The following ANKRD24 variants were observed in gnomAD, a reference collection of about 807,000 sequenced individuals.
ANKRD24 encodes ankyrin repeat domain-containing protein 24.
Under a neutral mutation model 127.8 loss-of-function variants are expected in ANKRD24, and 109 were observed. The observed-to-expected ratio is 0.85, with a 90% CI of 0.73 to 1.00. The LOEUF (loss-of-function observed/expected upper bound fraction) is 1.00, where lower values mean the gene tolerates loss of function less well. Among genes scored for constraint, ANKRD24 ranks in the 50% least tolerant of loss-of-function variants. The probability of loss-of-function intolerance (pLI) is 0.00; values close to 1 mark genes in which losing one functional copy is unlikely to be tolerated. For missense variants in ANKRD24, 1,648 were observed against 1,570.2 expected, an observed-to-expected ratio of 1.05 and a Z score of -0.84; for synonymous variants, 743 against 671.1, an observed-to-expected ratio of 1.11 and a Z score of -1.66.
chr19:4,217,830 G>T lies in ANKRD24; in HGVS notation c.2670G>T (p.Ala890=). 2.1e-6 allele frequency: 3 copies of T among 1,420,070 alleles called. No homozygotes were observed. Among genetic ancestry groups the T allele is most frequent in the Non-Finnish European group, 2.7e-6 (3 of 1,091,974 alleles). The allele number at this position is 1,420,070 out of a possible 1,614,324, so 88.0% of individuals were successfully genotyped here. The change falls in exon 18 of 22, where the codon GCG becomes GCT. Residue 890 remains alanine, a synonymous_variant. Coordinates refer to ENST00000318934, the MANE Select transcript of ANKRD24 (RefSeq NM_001393985.1). The part of the protein sequence containing the change: ...AAEARVAELP[A]ACEEARQGLA... ...AGGCCCGAGTGGCTGAGCTGCCTGC[G>T]GCCTGCGAGGAGGCGCGGCAGGGCC...
chr19:4,195,445 G>A lies in ANKRD24; in HGVS notation c.37-4238G>A, dbSNP rs958591157. ...CAGTTGGAAACTGAAGCCCTGAGCT[G>A]GGAGATCCGTTTCGGTCTCTTCTCT... On this transcript the variant is annotated intron_variant, in intron 2 of 21. Transcript: ENST00000318934. This position sits in a 1 kb window ranked among gnomAD's most constrained non-coding sequence, Gnocchi z 4.2. Among the ~76,000 whole-genome samples, 1 of 152,118 alleles carries A rather than the reference G, an allele frequency of 6.6e-6. No homozygotes were observed. The highest frequency in any genetic ancestry group is 2.4e-5 in the African/African-American group (1 of 41,416).
chr19:4,222,623 C>T, intron 19 of ANKRD24, 47 bp from the exon 20 acceptor site: 2 of 1,532,474 alleles, frequency 1.3e-6, no homozygotes, highest in Non-Finnish European at 1.8e-6. Flanking sequence ...GTCCTCAGCC[C>T]CCAGCTCTGG....
chr19:4,207,255 T>A lies in ANKRD24; in HGVS notation c.480T>A (p.Cys160Ter), dbSNP rs772589000. 2 of 1,613,650 alleles carry A rather than the reference T, an allele frequency of 1.2e-6. No individual in the cohort carries two copies. Among genetic ancestry groups the A allele is most frequent in the African/African-American group, 1.3e-5 (1 of 74,840 alleles). Residue 160 changes from cysteine (C) to a stop codon, truncating the protein, a stop_gained, in exon 8 of 22, where the codon TGT (cysteine) becomes TGA (stop). Coordinates refer to ENST00000318934, the MANE Select transcript of ANKRD24 (RefSeq NM_001393985.1). LOFTEE classifies it high-confidence loss of function. ...TCTCTTTTGCAGCGGCTGGTGGCTG[T>A]CTCTCCTGCTCAGAGGTGCTCTGCT... is the stretch of plus-strand genomic sequence containing the variant. ...TALHHAAAGG[C>*]LSCSEVLCSF...
intron 13 of ANKRD24, 141 bp from the exon 14 acceptor site, chr19:4,212,334 T>A (rs1969786530): frequency 2.1e-6 from 2 of 947,422 alleles, no homozygotes; most frequent in Admixed American, 5.5e-5. Context: ...TAGTAATGAG[T>A]GAGCGGGCAG....
chr19:4,191,734 A>G (rs352504), intron 2 of ANKRD24, among the ~76,000 whole-genome samples: 98,993 of 151,126 alleles, frequency 0.66, 33,018 homozygotes, highest in Middle Eastern at 0.76. Flanking sequence ...CGCCTGCCTC[A>G]GCCTCCCAAA....
chr19:4,217,837 G>C lies in ANKRD24; in HGVS notation c.2677G>C (p.Glu893Gln). ...AGTGGCTGAGCTGCCTGCGGCCTGCGAGGAGGCGCGGCAGGGCCTGGCCGA... is the reference window on the plus strand; with the variant it reads ...AGTGGCTGAGCTGCCTGCGGCCTGCCAGGAGGCGCGGCAGGGCCTGGCCGA... ...ARVAELPAAC[E>Q]EARQGLAELR... The change falls in exon 18 of 22, where the codon GAG becomes CAG. Residue 893 changes from glutamate to glutamine, a missense_variant. Physicochemically the swap from Glu to Gln is conservative, Grantham distance 29. Transcript: ENST00000318934. 7.0e-7 allele frequency: 1 copy of C among 1,429,848 alleles called. No individual in the cohort carries two copies. The highest frequency in any genetic ancestry group is 9.1e-7 in the Non-Finnish European group (1 of 1,096,926). 88.6% of individuals were successfully genotyped at this position (1,429,848 alleles called of 1,614,324 possible). A position where few individuals can be genotyped will look rare whatever the true frequency, so the allele number is the denominator to read the frequency against.
At position 4,186,413 on chromosome 19, in the gene ANKRD24, CAG is replaced by C. The variant is rs1488501510; in HGVS notation, c.-12_-11del. The C allele has an allele frequency of 6.3e-6, 10 of 1,585,614 alleles. No homozygotes were observed. In the South Asian group the frequency reaches 1.0e-4, roughly 16 times the overall value. On this transcript the variant is annotated 5_prime_UTR_variant, in exon 2 of 22. Transcript: ENST00000318934. ...AGGTGGCCTGTGGAGAGGAGAAACA[CAG>C]GGCACCAACTATGAAGACTCTCAGG...
chr19:4,217,505 G>T lies in ANKRD24; in HGVS notation c.2345G>T (p.Gly782Val), dbSNP rs1403689658. 1 of 1,401,596 alleles carries T rather than the reference G, an allele frequency of 7.1e-7. No homozygotes were observed. The highest frequency in any genetic ancestry group is 9.2e-7 in the Non-Finnish European group (1 of 1,084,050). The allele number at this position is 1,401,596 out of a possible 1,614,324, so 86.8% of individuals were successfully genotyped here. A position where few individuals can be genotyped will look rare whatever the true frequency, so the allele number is the denominator to read the frequency against. ...EGSGASGGGG[G>V]DTTQLRAALE... is the part of the protein sequence containing the mutation. The stretch of plus-strand genomic sequence containing the variant: ...AGCGGGGCCAGCGGGGGCGGTGGCG[G>T]TGACACCACACAGCTGCGGGCGGCC... Residue 782 changes from glycine to valine, a missense_variant, in exon 18 of 22, where the codon GGT becomes GTT. Coordinates refer to ENST00000318934, the MANE Select transcript of ANKRD24 (RefSeq NM_001393985.1).
intron 2 of ANKRD24, among the ~76,000 whole-genome samples, chr19:4,191,417 C>G (rs1412037294): frequency 1.3e-5 from 2 of 152,086 alleles, no homozygotes; most frequent in Non-Finnish European, 2.9e-5. Context: ...TTCCTGGTCC[C>G]TAACACCGGC....
In ANKRD24 at chr19:4,195,450, A is replaced by G. The variant is rs372554420; in HGVS notation, c.37-4233A>G. 3.6e-4 allele frequency among the ~76,000 whole-genome samples: 55 copies of G among 152,106 alleles called. 8 individuals carry two copies. Among genetic ancestry groups the G allele is most frequent in the East Asian group, 2.7e-3 (14 of 5,174 alleles). ...GGAAACTGAAGCCCTGAGCTGGGAGATCCGTTTCGGTCTCTTCTCTGGAGA... is the reference window on the plus strand; with the variant it reads ...GGAAACTGAAGCCCTGAGCTGGGAGGTCCGTTTCGGTCTCTTCTCTGGAGA... On this transcript the variant is annotated intron_variant, in intron 2 of 21. Coordinates refer to ENST00000318934, the MANE Select transcript of ANKRD24 (RefSeq NM_001393985.1). The surrounding 1 kb of genome is among the most constrained non-coding windows in gnomAD (Gnocchi z 4.2).
At chr19:4,202,303 C>G (rs1322455954) in intron 6 of ANKRD24, among the ~76,000 whole-genome samples, 1 of 152,078 alleles carries the variant, frequency 6.6e-6, no homozygotes, top group Admixed American at 6.6e-5. Context: ...CGCGGTGGCT[C>G]ACGCCTGTAA....
At chr19:4,207,207 A>G (rs781626706) in intron 7 of ANKRD24, 35 bp from the exon 8 acceptor site, 2 of 1,600,898 alleles carry the variant, frequency 1.2e-6, no homozygotes, top group Non-Finnish European at 1.7e-6. Context: ...TACAGGGTTG[A>G]GCTACCGCAC....
At chr19:4,209,417 GT>G (rs368782082) in intron 11 of ANKRD24, among the ~76,000 whole-genome samples, 1,791 of 142,896 alleles carry the variant, frequency 0.013, 41 homozygotes, top group African/African-American at 0.043. Context: ...CCCTCTCCTA[GT>G]TTTTTTTTTT....
In ANKRD24 at chr19:4,216,289, G is replaced by A. The variant is rs774460702; in HGVS notation, c.1276G>A (p.Glu426Lys). ...EGELPDLPGA[E>K]VLLSRQLSPS... is the part of the protein sequence containing the mutation. ...GACTCTGCGTCCCCCTCCAGGGGCC[G>A]AGGTGCTGCTGTCCAGACAACTCAG... The change falls in exon 17 of 22, where the codon GAG becomes AAG. Residue 426 changes from glutamate (E) to lysine (K), a missense_variant. By Grantham distance (56) the Glu-to-Lys change is moderately conservative (BLOSUM62 1). Transcript: ENST00000318934. 59 of 1,553,414 alleles carry A rather than the reference G, an allele frequency of 3.8e-5. No individual in the cohort carries two copies. Among genetic ancestry groups the A allele is most frequent in the Non-Finnish European group, 4.8e-5 (55 of 1,148,192 alleles).
chr19:4,217,315 G>C lies in ANKRD24; in HGVS notation c.2155G>C (p.Glu719Gln). ...ILHPGAAEAS[E>Q]KLQVELETRI... ...ACATCCTGGTGCCGCAGAGGCCTCG[G>C]AAAAGCTTCAAGTAGAGCTGGAGAC... Residue 719 changes from glutamate to glutamine, a missense_variant, in exon 18 of 22, where the codon GAA (glutamate) becomes CAA (glutamine). Coordinates refer to ENST00000318934, the MANE Select transcript of ANKRD24 (RefSeq NM_001393985.1). 6.4e-7 allele frequency: 1 copy of C among 1,552,394 alleles called. No homozygotes were observed. Among genetic ancestry groups the C allele is most frequent in the Non-Finnish European group, 8.7e-7 (1 of 1,147,538 alleles).
chr19:4,221,438 C>G lies in ANKRD24; in HGVS notation c.3172-1232C>G, dbSNP rs533638967. ...AGAGATGGGGTTTCACCATATTGCC[C>G]AGGTTGGTCTCAAACTCTTGAGCTC... On this transcript the variant is annotated intron_variant, in intron 19 of 21. Transcript: ENST00000318934. 2.6e-5 allele frequency among the ~76,000 whole-genome samples: 4 copies of G among 151,982 alleles called. No homozygotes were observed. The East Asian group carries it at 5.8e-4, about 22-fold the overall frequency.
chr19:4,198,546 A>AG lies in ANKRD24; in HGVS notation c.37-1132dup. On this transcript the variant is annotated intron_variant, in intron 2 of 21. Coordinates refer to ENST00000318934, the MANE Select transcript of ANKRD24 (RefSeq NM_001393985.1). This position sits in a 1 kb window ranked among gnomAD's most constrained non-coding sequence, Gnocchi z 6.1. ...GCCTCCTTCGCGGTAGGGCCCGGGG[A>AG]GGGGGCGCAGGAGCGGGCGGGGCGC... 1.8e-6 allele frequency: 1 copy of AG among 557,046 alleles called. No individual in the cohort carries two copies. The highest frequency in any genetic ancestry group is 2.1e-5 in the South Asian group (1 of 48,228). 34.5% of individuals were successfully genotyped at this position (557,046 alleles called of 1,614,324 possible).
At position 4,199,745 on chromosome 19, in the gene ANKRD24, G is replaced by C; in HGVS notation, c.99G>C (p.Lys33Asn). The C allele has an allele frequency of 2.0e-6, 3 of 1,538,078 alleles. No homozygotes were observed. Among genetic ancestry groups the C allele is most frequent in the Non-Finnish European group, 2.6e-6 (3 of 1,144,566 alleles). The stretch of plus-strand genomic sequence containing the variant: ...CCTGCGGCCCCTGCCCCATCCCGAA[G>C]CCGGCAGCCAGAGGCAGGCGCCAGG... The part of the protein sequence containing the change: ...CPPCGPCPIP[K>N]PAARGRRQSQ... Residue 33 changes from lysine to asparagine, a missense_variant, in exon 3 of 22, where the codon AAG becomes AAC. Coordinates refer to ENST00000318934, the MANE Select transcript of ANKRD24 (RefSeq NM_001393985.1). This position sits in a 1 kb window ranked among gnomAD's most constrained non-coding sequence, Gnocchi z 5.2.
intron 2 of ANKRD24, among the ~76,000 whole-genome samples, chr19:4,196,172 T>C (rs1968724617): frequency 1.3e-5 from 2 of 152,142 alleles, no homozygotes; most frequent in Non-Finnish European, 2.9e-5. Context: ...TGTCCTATTA[T>C]CTATCTCATT....
Sources: gnomAD v4.1 joint callset for allele counts (sites outside exome capture counted in the v4.1 genomes callset) on GRCh38, gnomAD v4.1.1 for gene constraint, Gnocchi (gnomAD v3.1) non-coding constraint, MANE v1.5 for transcripts, NCBI Gene and HGNC (gene_info 2026-07-23, HGNC 2026-07-21) for gene names.